Variants in CNTN6 observed in about 807,000 individuals in gnomAD.
The protein encoded by CNTN6 is contactin-6.
CNTN6 carries 137 observed loss-of-function variants against 122.8 expected under a neutral mutation model. The ratio of observed to expected loss-of-function variants is 1.12; its 90% CI spans 0.97 to 1.29. CNTN6 has a LOEUF of 1.29. Ranked by LOEUF, CNTN6 falls within the 50% of genes most tolerant of loss-of-function variation. The pLI is 0.00. For missense variants in CNTN6, 1,634 were observed against 1,223.4 expected, an observed-to-expected ratio of 1.34 and a Z score of -5.01; for synonymous variants, 570 against 426.0, an observed-to-expected ratio of 1.34 and a Z score of -4.16.
chr3:1,354,230 T>C (rs1250423266), intron 12 of CNTN6, among the ~76,000 whole-genome samples: 1 of 144,600 alleles, frequency 6.9e-6, no homozygotes, highest in African/African-American at 2.7e-5. Flanking sequence ...CCATGTTTTC[T>C]GCAAGTTAGG....
intron 1 of CNTN6, among the ~76,000 whole-genome samples, chr3:1,117,772 G>A (rs2091783842): frequency 6.6e-6 from 1 of 152,066 alleles, no homozygotes; most frequent in African/African-American, 2.4e-5. Context: ...TGTTCCCAGA[G>A]GTATTCCTGA....
At chr3:1,115,961 A>C (rs2091702395) in intron 1 of CNTN6, among the ~76,000 whole-genome samples, 1 of 152,216 alleles carries the variant, frequency 6.6e-6, no homozygotes, top group Non-Finnish European at 1.5e-5. Flanking sequence ...CAGTAACGTC[A>C]GAATGCTAAA....
Position 1,213,271 on chromosome 3 carries a change from T to C in CNTN6, c.56-7416T>C, listed in dbSNP as rs531902317. Among the ~76,000 whole-genome samples, 16 of 152,322 alleles carry C rather than the reference T, an allele frequency of 1.1e-4. No individual in the cohort carries two copies. The South Asian group carries it at 2.1e-3, about 20-fold the overall frequency. ...AAATGAATTAGCATTTGTTGTGTGC[T>C]TGTTTTGTGCCTGGCATAATGTATG... On this transcript the variant is annotated intron_variant, in intron 2 of 22. Coordinates refer to ENST00000446702, the MANE Select transcript of CNTN6 (RefSeq NM_001289080.2).
At chr3:1,122,454 C>T (rs1194884505) in intron 1 of CNTN6, among the ~76,000 whole-genome samples, 2 of 150,474 alleles carry the variant, frequency 1.3e-5, no homozygotes, top group African/African-American at 2.5e-5. Context: ...GTATAATTCC[C>T]ATGACATAAA....
At chr3:1,167,006 C>A (rs2093265210) in intron 2 of CNTN6, among the ~76,000 whole-genome samples, 1 of 147,524 alleles carries the variant, frequency 6.8e-6, no homozygotes, top group African/African-American at 2.5e-5. Flanking sequence ...ACCTGTGTAA[C>A]AAACCTGCAC....
intron 12 of CNTN6, among the ~76,000 whole-genome samples, chr3:1,362,766 T>C (rs1707651400): frequency 9.3e-6 from 1 of 107,038 alleles, no homozygotes; most frequent in African/African-American, 3.7e-5. Flanking sequence ...ATTTGCCAGA[T>C]ACTTTTTAAA....
At chr3:1,179,352 CACACACTTTTGTA>C (rs1185238609) in intron 2 of CNTN6, among the ~76,000 whole-genome samples, 1 of 152,090 alleles carries the variant, frequency 6.6e-6, no homozygotes, top group African/African-American at 2.4e-5. Flanking sequence ...AGTCTCTACC[CACACACTTTTGTA>C]ACTCTCAAAG....
intron 2 of CNTN6, among the ~76,000 whole-genome samples, chr3:1,152,486 G>T (rs548859192): frequency 2.6e-5 from 4 of 152,182 alleles, no homozygotes; most frequent in Non-Finnish European, 4.4e-5. Flanking sequence ...TCAGTAATGG[G>T]TAGAAGCTGA....
At position 1,115,957 on chromosome 3, in the gene CNTN6, C is replaced by T. The variant is rs143152767; in HGVS notation, c.-83+22837C>T. Among the ~76,000 whole-genome samples, 534 of 152,184 alleles carry T rather than the reference C, an allele frequency of 3.5e-3. 3 individuals are homozygous for T. The highest frequency in any genetic ancestry group is 0.012 in the African/African-American group (484 of 41,544). ...AATAAGTTGATGATAGTAGCAGTAA[C>T]GTCAGAATGCTAAAGAATTTTTAAT... is the stretch of plus-strand genomic sequence containing the variant. On this transcript the variant is annotated intron_variant, in intron 1 of 22. Coordinates refer to ENST00000446702, the MANE Select transcript of CNTN6 (RefSeq NM_001289080.2).
At chr3:1,149,451 T>C (rs1299985407) in intron 2 of CNTN6, among the ~76,000 whole-genome samples, 1 of 152,154 alleles carries the variant, frequency 6.6e-6, no homozygotes, top group Non-Finnish European at 1.5e-5. Context: ...GGACATATAT[T>C]TTATAGCAAT....
At chr3:1,113,057 A>G (rs1306372919) in intron 1 of CNTN6, among the ~76,000 whole-genome samples, 24 of 152,164 alleles carry the variant, frequency 1.6e-4, no homozygotes, top group Non-Finnish European at 1.5e-5. Flanking sequence ...GGTTGTAGAG[A>G]TGAAAGTCAG....
rs1316258310 is a variant in CNTN6 at position 1,388,345 on chromosome 3, G to T, written c.2704+2548G>T. ...AGGGTATGCCAACAGACCTGAAGCT[G>T]AGGGTCCTGTCTGTTAGAAGGAAAA... is the stretch of plus-strand genomic sequence containing the variant. On this transcript the variant is annotated intron_variant, in intron 20 of 22. Coordinates refer to ENST00000446702, the MANE Select transcript of CNTN6 (RefSeq NM_001289080.2). 3.8e-3 allele frequency among the ~76,000 whole-genome samples: 551 copies of T among 146,052 alleles called. 5 individuals are homozygous for T. The highest frequency in any genetic ancestry group is 0.014 in the South Asian group (64 of 4,476).
chr3:1,170,871 CT>C (rs1397512217), intron 2 of CNTN6, among the ~76,000 whole-genome samples: 1 of 152,186 alleles, frequency 6.6e-6, no homozygotes, highest in Non-Finnish European at 1.5e-5. Context: ...TAGCATCTAT[CT>C]CTTTACCTTT....
intron 8 of CNTN6, 88 bp from the exon 9 acceptor site, chr3:1,325,727 C>G: frequency 7.1e-7 from 1 of 1,410,252 alleles, no homozygotes; most frequent in Non-Finnish European, 9.6e-7. Context: ...TAGCCTTGTC[C>G]TTCTGATCTC....
chr3:1,402,299 G>C lies in CNTN6; in HGVS notation c.2818-19G>C. On this transcript the variant is annotated intron_variant, in intron 21 of 22. Coordinates refer to ENST00000446702, the MANE Select transcript of CNTN6 (RefSeq NM_001289080.2). Reference sequence around the variant, plus strand: ...AAAAGCAACATGTCCATGTTAACTTGATACCTCATTTTATTCAGATTCTGT... The same window carrying C: ...AAAAGCAACATGTCCATGTTAACTTCATACCTCATTTTATTCAGATTCTGT... The C allele has an allele frequency of 1.3e-6, 2 of 1,595,562 alleles. No individual in the cohort carries two copies. Among genetic ancestry groups the C allele is most frequent in the Non-Finnish European group, 1.7e-6 (2 of 1,168,548 alleles).
chr3:1,310,097 T>C (rs190999152), intron 7 of CNTN6, among the ~76,000 whole-genome samples: 11 of 128,450 alleles, frequency 8.6e-5, no homozygotes, highest in Admixed American at 5.5e-4. Context: ...TTTCAATCTA[T>C]ATACATTTTT....
chr3:1,386,044 A>G (rs1325924383), intron 20 of CNTN6, among the ~76,000 whole-genome samples: 3 of 152,222 alleles, frequency 2.0e-5, no homozygotes, highest in African/African-American at 7.2e-5. Flanking sequence ...GAAGAGCATA[A>G]TGTTTAAGAC....
chr3:1,339,852 AATAAC>A (rs1303932398), intron 11 of CNTN6, among the ~76,000 whole-genome samples: 3 of 152,192 alleles, frequency 2.0e-5, no homozygotes, highest in Non-Finnish European at 2.9e-5. Context: ...GGATATACCT[AATAAC>A]ATATATTTTA....
chr3:1,396,723 A>G (rs1695035681), intron 20 of CNTN6, among the ~76,000 whole-genome samples: 1 of 152,294 alleles, frequency 6.6e-6, no homozygotes, highest in Non-Finnish European at 1.5e-5. Context: ...TCACTTTATA[A>G]GTTTGTTGCA....
Sources: allele counts gnomAD v4.1 joint callset (sites outside exome capture counted in the v4.1 genomes callset), GRCh38; gene constraint gnomAD v4.1.1; transcripts MANE v1.5; gene names NCBI Gene and HGNC (gene_info 2026-07-23, HGNC 2026-07-21).